GSDMC: variants seen among roughly 807,000 people sequenced by gnomAD.
GSDMC encodes gasdermin C.
A neutral mutation model predicts 58.0 loss-of-function variants in GSDMC; 59 were observed. The observed-to-expected ratio is 1.02, with a 90% CI of 0.82 to 1.26. The LOEUF (loss-of-function observed/expected upper bound fraction) is 1.26. Ranked by LOEUF, GSDMC falls within the 50% of genes most tolerant of loss-of-function variation. The pLI is 0.00. For missense variants in GSDMC, 659 were observed against 598.5 expected (o/e 1.10, Z -1.06); for synonymous variants, 241 against 220.2 (o/e 1.09, Z -0.83).
chr8:129,768,697 T>C (rs1407917983), intron 3 of GSDMC, among the ~76,000 whole-genome samples: 6 of 151,854 alleles, frequency 4.0e-5, no homozygotes, highest in African/African-American at 1.4e-4. Context: ...AAAAGAGATA[T>C]ATGGCACTTA....
intron 3 of GSDMC, among the ~76,000 whole-genome samples, chr8:129,770,779 A>G (rs1304630797): frequency 1.3e-5 from 2 of 152,122 alleles, no homozygotes; most frequent in East Asian, 3.9e-4. Flanking sequence ...GCAAGTACTT[A>G]CCTATCAATA....
intron 1 of GSDMC, among the ~76,000 whole-genome samples, 190 bp downstream of exon 1, chr8:129,785,821 C>T (rs190753710): frequency 4.6e-5 from 7 of 151,688 alleles, no homozygotes; most frequent in African/African-American, 1.5e-4. Context: ...AATAATGTAT[C>T]GAAGATATAT....
chr8:129,743,224 C>T (rs1337527886), downstream of GSDMC, among the ~76,000 whole-genome samples: 2 of 152,116 alleles, frequency 1.3e-5, no homozygotes, highest in African/African-American at 4.8e-5. Flanking sequence ...AGTTATGGGG[C>T]TCCAATTACA....
chr8:129,741,357 G>T, the GSDMC span, among the ~76,000 whole-genome samples: 42 of 151,870 alleles, frequency 2.8e-4, no homozygotes, highest in Middle Eastern at 3.4e-3. Context: ...GAATTTGGGG[G>T]TTTTTTTCTA....
Position 129,776,184 on chromosome 8 carries a change from C to G in GSDMC, c.322G>C (p.Glu108Gln). The G allele has an allele frequency of 2.5e-6, 4 of 1,613,876 alleles. No homozygotes were observed. Among genetic ancestry groups the G allele is most frequent in the Non-Finnish European group, 3.4e-6 (4 of 1,179,774 alleles). Residue 108 changes from glutamate (E) to glutamine (Q), a missense_variant, in exon 3 of 14, where the codon GAG (glutamate) becomes CAG (glutamine). Glu to Gln is a conservative substitution (Grantham distance 29, BLOSUM62 2). Transcript: ENST00000276708. ...NVGIEVSVSG[E>Q]ASVDHGCSLE... is the part of the protein sequence containing the mutation. ...GAGCATCCATGGTCCACAGAGGCCT[C>G]CCCTGACACACTCACTTCTATACCA...
intron 6 of GSDMC, among the ~76,000 whole-genome samples, chr8:129,756,802 T>A (rs2033457636): frequency 1.3e-5 from 2 of 152,146 alleles, no homozygotes; most frequent in Admixed American, 1.3e-4. Context: ...TGCTCCTGAA[T>A]GACCAGTGGG....
chr8:129,742,696 A>T, the GSDMC span, among the ~76,000 whole-genome samples: 1 of 152,154 alleles, frequency 6.6e-6, no homozygotes, highest in Non-Finnish European at 1.5e-5. Context: ...ATCTGGGGCA[A>T]TCAGAGGGCT....
At chr8:129,785,644 G>C (rs114421398) in intron 1 of GSDMC, among the ~76,000 whole-genome samples, 2,161 of 152,086 alleles carry the variant, frequency 0.014, 59 homozygotes, top group African/African-American at 0.049. Flanking sequence ...TTCAGTTTTT[G>C]AACTTTCTAA....
rs73712929 is a variant in GSDMC, at chr8:129,748,265, A to G, written c.*236T>C. On this transcript the variant is annotated 3_prime_UTR_variant, in exon 14 of 14. Coordinates refer to ENST00000276708, the MANE Select transcript of GSDMC (RefSeq NM_031415.3). ...ATAGTGAAACGCTTACGTCTTTAAC[A>G]TACTATTTGAGGAGTTTTGACAAAT... The G allele has an allele frequency of 2.7e-3, 974 of 366,500 alleles. 10 individuals are homozygous for G. The highest frequency in any genetic ancestry group is 0.017 in the African/African-American group (800 of 47,992). 22.7% of individuals were successfully genotyped at this position (366,500 alleles called of 1,614,324 possible).
chr8:129,758,284 G>T (rs991769822), intron 6 of GSDMC, among the ~76,000 whole-genome samples: 6 of 152,154 alleles, frequency 3.9e-5, no homozygotes, highest in African/African-American at 1.2e-4. Flanking sequence ...AAAATTGAAA[G>T]CCTTTCATCT....
At chr8:129,709,042 G>A in the GSDMC span, among the ~76,000 whole-genome samples, 15 of 152,098 alleles carry the variant, frequency 9.9e-5, no homozygotes, top group East Asian at 1.9e-4. Context: ...TTCCTTACAC[G>A]TCCCCCTTCA....
chr8:129,723,079 T>A, the GSDMC span: 1 of 152,214 alleles, frequency 6.6e-6, no homozygotes, highest in East Asian at 1.9e-4. Flanking sequence ...TAGATGTGAA[T>A]CATGCCACTG....
chr8:129,751,029 C>A (rs557976605), intron 10 of GSDMC, among the ~76,000 whole-genome samples: 26 of 152,010 alleles, frequency 1.7e-4, no homozygotes, highest in African/African-American at 6.3e-4. Flanking sequence ...CCCAGCACTT[C>A]GGGAGGCTGA....
At chr8:129,723,851 T>G in the GSDMC span, among the ~76,000 whole-genome samples, 1 of 152,350 alleles carries the variant, frequency 6.6e-6, no homozygotes, top group East Asian at 1.9e-4. Context: ...CTTCCAATTT[T>G]TAACTAAGCT....
the GSDMC span, chr8:129,729,975 C>A: frequency 1.3e-6 from 2 of 1,513,568 alleles, no homozygotes; most frequent in South Asian, 1.1e-5. Flanking sequence ...ATGTAAATAC[C>A]ATGGACAGTG....
At chr8:129,708,548 C>A in the GSDMC span, among the ~76,000 whole-genome samples, 12 of 152,250 alleles carry the variant, frequency 7.9e-5, no homozygotes, top group Non-Finnish European at 1.5e-4. Context: ...TTCTTATATT[C>A]ACCAGGACTC....
chr8:129,709,582 TA>T, the GSDMC span, among the ~76,000 whole-genome samples: 4 of 146,740 alleles, frequency 2.7e-5, no homozygotes, highest in African/African-American at 1.0e-4. Flanking sequence ...AGATGATAGA[TA>T]GATAGATGAT....
At chr8:129,775,705 T>C (rs911558173) in intron 3 of GSDMC, among the ~76,000 whole-genome samples, 6 of 152,210 alleles carry the variant, frequency 3.9e-5, no homozygotes, top group African/African-American at 1.4e-4. Flanking sequence ...TACATGTTAT[T>C]TAAATAAACA....
At chr8:129,746,243 C>T (rs1306264564), downstream of GSDMC, among the ~76,000 whole-genome samples, 2 of 152,072 alleles carry the variant, frequency 1.3e-5, no homozygotes, top group Non-Finnish European at 2.9e-5. Flanking sequence ...AACCTCAAAG[C>T]TGCAAAGATA....
Sources: allele counts gnomAD v4.1 joint callset (sites outside exome capture counted in the v4.1 genomes callset), GRCh38; gene constraint gnomAD v4.1.1; transcripts MANE v1.5; gene names NCBI Gene and HGNC (gene_info 2026-07-23, HGNC 2026-07-21).